NPAS3: variants seen among roughly 807,000 people sequenced by gnomAD.
NPAS3 encodes neuronal PAS domain protein 3.
A neutral mutation model predicts 73.1 loss-of-function variants in NPAS3; 14 were observed. The ratio of observed to expected loss-of-function variants is 0.19; its 90% CI spans 0.13 to 0.30. The LOEUF (loss-of-function observed/expected upper bound fraction) is 0.30. Among genes scored for constraint, NPAS3 ranks in the 10% least tolerant of loss-of-function variants. The pLI is 1.00. For missense variants in NPAS3, 1,096 were observed against 1,250.0 expected (o/e 0.88, Z 1.86); for synonymous variants, 620 against 541.5 (o/e 1.14, Z -2.01).
intron 2 of NPAS3, among the ~76,000 whole-genome samples, chr14:33,093,580 A>T (rs2042304015): frequency 6.6e-6 from 1 of 152,056 alleles, no homozygotes; most frequent in Non-Finnish European, 1.5e-5. Context: ...AGGGATCTAG[A>T]ACTAGAAATA....
chr14:33,373,181 C>T (rs899230558), intron 4 of NPAS3, among the ~76,000 whole-genome samples: 1 of 152,104 alleles, frequency 6.6e-6, no homozygotes, highest in East Asian at 1.9e-4. Context: ...TATTTGTTTA[C>T]CCTCAGCAGA....
At chr14:33,699,836 T>A (rs1420023582) in intron 6 of NPAS3, among the ~76,000 whole-genome samples, 1 of 152,176 alleles carries the variant, frequency 6.6e-6, no homozygotes, top group African/African-American at 2.4e-5. Context: ...GCACAGCTAA[T>A]GACCTGTTTT....
chr14:33,269,429 G>A (rs1359186890), intron 3 of NPAS3, among the ~76,000 whole-genome samples: 2 of 152,118 alleles, frequency 1.3e-5, no homozygotes, highest in African/African-American at 2.4e-5. Context: ...GGTCAGAATA[G>A]GTCTTGAACC....
chr14:33,322,897 C>T (rs2043521307), intron 3 of NPAS3, among the ~76,000 whole-genome samples: 1 of 152,146 alleles, frequency 6.6e-6, no homozygotes, highest in Non-Finnish European at 1.5e-5. Context: ...ATATCTGACC[C>T]TCTTGATAAA....
intron 4 of NPAS3, among the ~76,000 whole-genome samples, chr14:33,497,371 A>T (rs1331704160): frequency 2.0e-5 from 3 of 152,168 alleles, no homozygotes; most frequent in Non-Finnish European, 4.4e-5. Context: ...ATGGAGCCAA[A>T]AAAGGGCCCA....
At chr14:33,776,521 TAAAAAAAAAA>T (rs552348267) in intron 8 of NPAS3, among the ~76,000 whole-genome samples, 1,085 of 31,706 alleles carry the variant, frequency 0.034, 19 homozygotes, top group Admixed American at 0.039. Flanking sequence ...TTCTTCCTCT[TAAAAAAAAAA>T]AAAAAAAAAA....
At chr14:33,068,937 CGGGATGCTGGCGGGCCAGGGA>C (rs2041379356) in intron 2 of NPAS3, among the ~76,000 whole-genome samples, 1 of 152,036 alleles carries the variant, frequency 6.6e-6, no homozygotes, top group Non-Finnish European at 1.5e-5. Flanking sequence ...CAACAGCACA[CGGGATGCTGGCGGGCCAGGGA>C]GGGACTTCGG....
intron 1 of NPAS3, among the ~76,000 whole-genome samples, chr14:32,939,623 C>CA (rs752795909): frequency 0.27 from 29,405 of 110,118 alleles, 4,218 homozygotes; most frequent in East Asian, 0.43. Flanking sequence ...GACTCACTGA[C>CA]AAAAAAAAAA....
intron 2 of NPAS3, among the ~76,000 whole-genome samples, chr14:33,086,783 G>T (rs567582091): frequency 6.6e-6 from 1 of 152,030 alleles, no homozygotes; most frequent in Non-Finnish European, 1.5e-5. Flanking sequence ...TCTCCTATTA[G>T]TATGGCCTAG....
In NPAS3 at chr14:33,738,261, T is replaced by C. The variant is rs192436101; in HGVS notation, c.852+2929T>C. Among the ~76,000 whole-genome samples the C allele has an allele frequency of 5.6e-4, 86 of 152,312 alleles. 1 individual carries two copies. Among genetic ancestry groups the C allele is most frequent in the African/African-American group, 1.9e-3 (78 of 41,574 alleles). On this transcript the variant is annotated intron_variant, in intron 7 of 11. Transcript: ENST00000356141. Reference sequence around the variant, plus strand: ...TTTCATACAGCCCTTAAGTAGCTACTGAAGCACCAGAATCGAATCCTCCAA... The same window carrying C: ...TTTCATACAGCCCTTAAGTAGCTACCGAAGCACCAGAATCGAATCCTCCAA...
At chr14:33,705,959 C>T (rs758598944) in intron 6 of NPAS3, among the ~76,000 whole-genome samples, 39 of 152,152 alleles carry the variant, frequency 2.6e-4, no homozygotes, top group Non-Finnish European at 4.6e-4. Flanking sequence ...GAATGACCAA[C>T]GAAAAATGCA....
Position 33,301,322 on chromosome 14 carries a change from A to ATAT in NPAS3, c.386-65863_386-65862insATT, listed in dbSNP as rs557118171. Among the ~76,000 whole-genome samples, 54 of 99,694 alleles carry ATAT rather than the reference A, an allele frequency of 5.4e-4. 7 individuals carry two copies. Among genetic ancestry groups the ATAT allele is most frequent in the East Asian group, 1.1e-3 (5 of 4,484 alleles). 65.4% of individuals were successfully genotyped at this position (99,694 alleles called of 152,430 possible). ...GTTTTATCATTATATATATATATAT[A>ATAT]TTTTTTTTTTTTAAATCTAGCTGTA... On this transcript the variant is annotated intron_variant, in intron 3 of 11. Transcript: ENST00000356141.
chr14:33,028,048 T>A (rs1306514434), intron 1 of NPAS3, among the ~76,000 whole-genome samples: 3 of 152,192 alleles, frequency 2.0e-5, no homozygotes, highest in Non-Finnish European at 4.4e-5. Context: ...AAAATGTCAC[T>A]TTTTTATGAA....
chr14:33,205,117 CTT>C (rs1180773782), intron 2 of NPAS3, among the ~76,000 whole-genome samples: 2 of 152,066 alleles, frequency 1.3e-5, no homozygotes, highest in African/African-American at 4.8e-5. Flanking sequence ...AATAAACAAT[CTT>C]AATATTTTGA....
intron 4 of NPAS3, among the ~76,000 whole-genome samples, chr14:33,407,318 AC>A (rs1477945726): frequency 6.6e-6 from 1 of 152,078 alleles, no homozygotes; most frequent in East Asian, 1.9e-4. Context: ...AGTCCTAGGT[AC>A]TTCTTTTTCT....
intron 4 of NPAS3, among the ~76,000 whole-genome samples, chr14:33,515,921 G>A (rs1020149489): frequency 9.9e-5 from 15 of 151,986 alleles, no homozygotes; most frequent in Middle Eastern, 3.2e-3. Context: ...TTTAGTAACC[G>A]ACATGGATGC....
intron 3 of NPAS3, among the ~76,000 whole-genome samples, chr14:33,274,042 T>G (rs1240631801): frequency 2.0e-5 from 3 of 152,122 alleles, no homozygotes; most frequent in Non-Finnish European, 4.4e-5. Flanking sequence ...AACCAGAAGA[T>G]GCTGTTTGGA....
At chr14:33,201,298 A>G (rs552856857) in intron 2 of NPAS3, among the ~76,000 whole-genome samples, 3 of 104,904 alleles carry the variant, frequency 2.9e-5, no homozygotes, top group Non-Finnish European at 4.2e-5. Context: ...TCCCCTAACA[A>G]TGGTGTGTGT....
chr14:33,544,825 A>ATATTATATATATAAT, intron 4 of NPAS3, among the ~76,000 whole-genome samples: 1 of 112,188 alleles, frequency 8.9e-6, no homozygotes, highest in Admixed American at 9.2e-5. Flanking sequence ...TATATAATAT[A>ATATTATATATATAAT]TATGTGTATA....
Sources: gnomAD v4.1 joint callset for allele counts (sites outside exome capture counted in the v4.1 genomes callset) on GRCh38, gnomAD v4.1.1 for gene constraint, MANE v1.5 for transcripts, NCBI Gene and HGNC (gene_info 2026-07-23, HGNC 2026-07-21) for gene names.